NINL: variants seen among roughly 807,000 people sequenced by gnomAD.
NINL encodes the protein ninein like, also known as ninein-like protein.
In NINL, 153 loss-of-function variants were observed where a neutral mutation model predicts 160.3. The ratio of observed to expected loss-of-function variants is 0.95; its 90% CI spans 0.84 to 1.09. The LOEUF is 1.09. Among genes scored for constraint, NINL ranks in the 50% least tolerant of loss-of-function variants. NINL has a pLI of 0.00. For synonymous variants in NINL, 800 were observed against 734.8 expected, an observed-to-expected ratio of 1.09 and a Z score of -1.43; for missense variants, 1,829 against 1,764.0, an observed-to-expected ratio of 1.04 and a Z score of -0.66.
rs766397828 is a variant in NINL, at chr20:25,491,541, C to T, written c.1311-16G>A. 3.1e-6 allele frequency: 5 copies of T among 1,609,978 alleles called. No individual in the cohort carries two copies. The South Asian group carries it at 3.3e-5, about 11-fold the overall frequency. ...CTCCAGATGCCTGTAACATGTCACACATCACACGTCAGACATGTCATGTCA... is the reference window on the plus strand; with the variant it reads ...CTCCAGATGCCTGTAACATGTCACATATCACACGTCAGACATGTCATGTCA... On this transcript the variant is annotated splice_polypyrimidine_tract_variant and intron_variant, in intron 10 of 23. Coordinates refer to ENST00000278886, the MANE Select transcript of NINL (RefSeq NM_025176.6).
At chr20:25,497,015 G>A (rs1366675762) in intron 9 of NINL, among the ~76,000 whole-genome samples, 2 of 152,178 alleles carry the variant, frequency 1.3e-5, no homozygotes, top group African/African-American at 4.8e-5. Context: ...GGGGCCACGT[G>A]ACTTGGCAAG....
intron 1 of NINL, among the ~76,000 whole-genome samples, chr20:25,545,436 C>A (rs1390648760): frequency 6.6e-6 from 1 of 151,864 alleles, no homozygotes; most frequent in Non-Finnish European, 1.5e-5. Flanking sequence ...TTGGCATGTC[C>A]TCATGTATGG....
rs2063235834 is a variant in NINL at position 25,476,328 on chromosome 20, C to T, written c.2963G>A (p.Arg988Lys). The T allele has an allele frequency of 1.2e-6, 2 of 1,612,774 alleles. No individual in the cohort carries two copies. Among genetic ancestry groups the T allele is most frequent in the South Asian group, 1.1e-5 (1 of 91,080 alleles). Residue 988 changes from arginine (R) to lysine (K), a missense_variant, in exon 17 of 24, where the codon AGG becomes AAG. Transcript: ENST00000278886. ...IQEERARSWS[R>K]GTQEQASEQQ... ...CTCCGAGGCCTGCTCCTGGGTGCCC[C>T]TGCTCCAGCTTCGTGCTCGCTCTTC...
chr20:25,525,424 C>T (rs781617417), intron 2 of NINL, among the ~76,000 whole-genome samples: 2 of 152,024 alleles, frequency 1.3e-5, no homozygotes, highest in African/African-American at 2.4e-5. Context: ...GGCCAAGGCA[C>T]GTGGATTGCT....
chr20:25,498,271 C>CTGTCATGAGCTCGT lies in NINL; in HGVS notation c.1094_1107dup (p.Val370ThrfsTer4). 6.2e-7 allele frequency: 1 copy of CTGTCATGAGCTCGT among 1,613,402 alleles called. No individual in the cohort carries two copies. Among genetic ancestry groups the CTGTCATGAGCTCGT allele is most frequent in the Non-Finnish European group, 8.5e-7 (1 of 1,180,020 alleles). On this transcript the variant is annotated stop_gained and frameshift_variant, in exon 9 of 24. Transcript: ENST00000278886. LOFTEE classifies it high-confidence loss of function. Reference sequence around the variant, plus strand: ...GCTGCCTGCTGGACGGCACTGTCCACTGTCATGAGCTCGTTGTCAAGGGCC... The same window carrying CTGTCATGAGCTCGT: ...GCTGCCTGCTGGACGGCACTGTCCACTGTCATGAGCTCGTTGTCATGAGCTCGTTGTCAAGGGCC...
At chr20:25,481,225 G>A (rs1413361365) in intron 14 of NINL, among the ~76,000 whole-genome samples, 1 of 152,186 alleles carries the variant, frequency 6.6e-6, no homozygotes, top group Non-Finnish European at 1.5e-5. Context: ...CATGACGGGG[G>A]AGCGAGGGGA....
At chr20:25,554,640 A>AC (rs1568963313) in intron 1 of NINL, among the ~76,000 whole-genome samples, 4 of 100,586 alleles carry the variant, frequency 4.0e-5, no homozygotes, top group African/African-American at 2.1e-4. Flanking sequence ...AAAAAACAAA[A>AC]AAAAAAAAAA....
chr20:25,515,834 A>C (rs1323739198), intron 3 of NINL, among the ~76,000 whole-genome samples: 1 of 152,048 alleles, frequency 6.6e-6, no homozygotes, highest in Non-Finnish European at 1.5e-5. Context: ...GCAGTGGTGC[A>C]ATCTCGGCTC....
intron 11 of NINL, 46 bp downstream of exon 11, chr20:25,491,305 C>G (rs756764207): frequency 6.4e-7 from 1 of 1,566,346 alleles, no homozygotes; most frequent in South Asian, 1.2e-5. Context: ...GTGGGGAATG[C>G]TCAGGCACCC....
chr20:25,552,334 G>C (rs540034383), intron 1 of NINL, among the ~76,000 whole-genome samples: 2 of 152,012 alleles, frequency 1.3e-5, no homozygotes, highest in South Asian at 2.1e-4. Context: ...AGGAGTTCAA[G>C]ACTAGCCTGA....
chr20:25,518,866 G>C (rs1472872079), intron 2 of NINL, among the ~76,000 whole-genome samples: 1 of 152,028 alleles, frequency 6.6e-6, no homozygotes, highest in East Asian at 1.9e-4. Flanking sequence ...GGGAGGCCGA[G>C]GCAGGTGGAT....
intron 9 of NINL, among the ~76,000 whole-genome samples, 199 bp from the exon 10 acceptor site, chr20:25,497,002 A>T (rs1420706814): frequency 1.3e-5 from 2 of 152,166 alleles, no homozygotes; most frequent in Non-Finnish European, 2.9e-5. Context: ...ACACTGAGAG[A>T]GAGGGGCCAC....
chr20:25,493,279 G>T (rs1035223084), intron 10 of NINL, among the ~76,000 whole-genome samples: 1 of 152,170 alleles, frequency 6.6e-6, no homozygotes, highest in African/African-American at 2.4e-5. Context: ...CCAAGGCTGG[G>T]ATGAGGCTGT....
intron 15 of NINL, among the ~76,000 whole-genome samples, chr20:25,479,666 G>A (rs1032220881): frequency 3.9e-5 from 6 of 152,150 alleles, no homozygotes; most frequent in African/African-American, 1.2e-4. Flanking sequence ...GTACCCTGAC[G>A]GAGGAACTGG....
chr20:25,498,422 A>G (rs400357), intron 8 of NINL, 76 bp from the exon 9 acceptor site: 788,432 of 1,562,960 alleles, frequency 0.5, 206,637 homozygotes, highest in East Asian at 0.99. Context: ...TCCCTCCCTG[A>G]TCCAGGGCCT....
At chr20:25,553,311 A>C (rs2064827607) in intron 1 of NINL, among the ~76,000 whole-genome samples, 1 of 151,562 alleles carries the variant, frequency 6.6e-6, no homozygotes, top group Non-Finnish European at 1.5e-5. Flanking sequence ...TACAAAAAAA[A>C]CCGAAAACAA....
chr20:25,578,703 G>A (rs1462280720), intron 1 of NINL, among the ~76,000 whole-genome samples: 1 of 149,428 alleles, frequency 6.7e-6, no homozygotes, highest in Non-Finnish European at 1.5e-5. Flanking sequence ...TGAGGCAGGA[G>A]AATGGCGTGA....
chr20:25,499,876 C>A (rs1247527696), intron 8 of NINL, among the ~76,000 whole-genome samples: 1 of 146,666 alleles, frequency 6.8e-6, no homozygotes, highest in East Asian at 2.0e-4. Context: ...TTATAAATGC[C>A]CAGATTTATC....
At chr20:25,581,469 T>C (rs938176026) in intron 1 of NINL, among the ~76,000 whole-genome samples, 2 of 145,626 alleles carry the variant, frequency 1.4e-5, no homozygotes, top group Non-Finnish European at 3.0e-5. Context: ...AATCCAAAGG[T>C]AAATGTCCAC....
Sources: gnomAD v4.1 joint callset for allele counts (sites outside exome capture counted in the v4.1 genomes callset) on GRCh38, gnomAD v4.1.1 for gene constraint, MANE v1.5 for transcripts, NCBI Gene and HGNC (gene_info 2026-07-23, HGNC 2026-07-21) for gene names.